GLRA2: variants seen among roughly 807,000 people sequenced by gnomAD.
GLRA2 encodes glycine receptor alpha 2.
A neutral mutation model predicts 31.6 loss-of-function variants in GLRA2; 11 were observed. That is an observed-to-expected ratio of 0.35 (90% confidence interval 0.22 to 0.58). The LOEUF (loss-of-function observed/expected upper bound fraction) is 0.58, where lower values mean the gene tolerates loss of function less well. GLRA2 is among the 20% of genes least tolerant of loss of function. The probability of loss-of-function intolerance (pLI) is 0.84; values close to 1 mark genes in which losing one functional copy is unlikely to be tolerated. For missense variants in GLRA2, 212 were observed against 351.8 expected (o/e 0.60, Z 3.18); for synonymous variants, 132 against 134.0 (o/e 0.99, Z 0.10).
intron 4 of GLRA2, among the ~76,000 whole-genome samples, chrX:14,589,670 C>CAAAA (rs199543625): frequency 2.2e-5 from 2 of 90,388 alleles, no homozygotes; most frequent in Non-Finnish European, 4.2e-5. Context: ...GACTCTATCT[C>CAAAA]AAAAAAATAT....
At chrX:14,706,911 T>A (rs761971690) in intron 8 of GLRA2, among the ~76,000 whole-genome samples, 2 of 112,297 alleles carry the variant, frequency 1.8e-5, no homozygotes, top group Non-Finnish European at 3.8e-5. Flanking sequence ...GTTTATAAGG[T>A]TTGCTGAATG....
chrX:14,562,777 G>A (rs1048611749), intron 2 of GLRA2, among the ~76,000 whole-genome samples: 3 of 110,952 alleles, frequency 2.7e-5, no homozygotes, highest in African/African-American at 3.3e-5. Flanking sequence ...TCAGATTAGG[G>A]GCCAACCCTC....
At chrX:14,630,610 T>C (rs2090633986) in intron 7 of GLRA2, among the ~76,000 whole-genome samples, 1 of 111,713 alleles carries the variant, frequency 9.0e-6, no homozygotes, top group Non-Finnish European at 1.9e-5. Context: ...GACATTGTTA[T>C]ACAGCTTACT....
At chrX:14,554,607 T>C (rs1278819344) in intron 2 of GLRA2, among the ~76,000 whole-genome samples, 1 of 111,280 alleles carries the variant, frequency 9.0e-6, no homozygotes, top group African/African-American at 3.3e-5. Flanking sequence ...CATGAAAAAA[T>C]AATTTTCCAA....
intron 7 of GLRA2, among the ~76,000 whole-genome samples, chrX:14,616,188 C>A (rs186995174): frequency 3.0e-4 from 34 of 111,783 alleles, no homozygotes; most frequent in African/African-American, 1.1e-3. Flanking sequence ...TAAGATTAAA[C>A]GATTATTTTC....
At chrX:14,663,108 T>C (rs1009844252) in intron 7 of GLRA2, among the ~76,000 whole-genome samples, 4 of 111,396 alleles carry the variant, frequency 3.6e-5, no homozygotes, top group Non-Finnish European at 5.7e-5. Flanking sequence ...TGTATACCTT[T>C]AGTTATTTTT....
At chrX:14,493,580 TATATACAC>T in the GLRA2 span, among the ~76,000 whole-genome samples, 1 of 104,047 alleles carries the variant, frequency 9.6e-6, no homozygotes, top group South Asian at 4.0e-4. Flanking sequence ...CATATATACA[TATATACAC>T]ATATATACAT....
intron 8 of GLRA2, among the ~76,000 whole-genome samples, 153 bp downstream of exon 8, chrX:14,691,012 G>C (rs1353834499): frequency 1.8e-5 from 2 of 111,561 alleles, no homozygotes; most frequent in Non-Finnish European, 3.8e-5. Flanking sequence ...CTCAGCTTAG[G>C]CCTTTAAAAT....
chrX:14,726,313 C>T (rs368460135), intron 8 of GLRA2, among the ~76,000 whole-genome samples: 7 of 111,810 alleles, frequency 6.3e-5, no homozygotes, highest in African/African-American at 2.3e-4. Context: ...GAATCAAAAC[C>T]ATCTCCTTTG....
At chrX:14,572,322 T>G (rs2089895450) in intron 2 of GLRA2, among the ~76,000 whole-genome samples, 1 of 112,313 alleles carries the variant, frequency 8.9e-6, no homozygotes, top group Non-Finnish European at 1.9e-5. Flanking sequence ...TCCTGTTTAT[T>G]TTTCCCATCA....
At chrX:14,705,014 A>C (rs1442482137) in intron 8 of GLRA2, among the ~76,000 whole-genome samples, 1 of 112,401 alleles carries the variant, frequency 8.9e-6, no homozygotes, top group Non-Finnish European at 1.9e-5. Flanking sequence ...ATTCTCAAGA[A>C]AGAAGCAGCA....
chrX:14,510,471 G>GC, the GLRA2 span, among the ~76,000 whole-genome samples: 2 of 111,489 alleles, frequency 1.8e-5, no homozygotes, highest in African/African-American at 6.5e-5. Flanking sequence ...GAGGTATAGA[G>GC]CAGGATGAAA....
chrX:14,682,945 T>C (rs2091231203), intron 7 of GLRA2, among the ~76,000 whole-genome samples: 1 of 111,703 alleles, frequency 9.0e-6, no homozygotes, highest in Admixed American at 9.5e-5. Flanking sequence ...TAATCCAGTC[T>C]ATCATTGATG....
At chrX:14,680,755 C>T (rs1234626744) in intron 7 of GLRA2, among the ~76,000 whole-genome samples, 5 of 112,134 alleles carry the variant, frequency 4.5e-5, no homozygotes, top group African/African-American at 1.3e-4. Flanking sequence ...ACTCAGAGAG[C>T]AACCAAAATG....
chrX:14,706,375 T>C (rs181777453), intron 8 of GLRA2, among the ~76,000 whole-genome samples: 57 of 112,474 alleles, frequency 5.1e-4, no homozygotes, highest in African/African-American at 1.7e-3. Flanking sequence ...TGTTGCAATA[T>C]GCACAGTCTA....
At chrX:14,641,760 C>T (rs931137960) in intron 7 of GLRA2, among the ~76,000 whole-genome samples, 2 of 111,843 alleles carry the variant, frequency 1.8e-5, no homozygotes, top group Admixed American at 9.5e-5. Flanking sequence ...CTGGACCACT[C>T]AGACATAAAC....
At chrX:14,493,654 T>C in the GLRA2 span, among the ~76,000 whole-genome samples, 1 of 96,297 alleles carries the variant, frequency 1.0e-5, no homozygotes, top group Non-Finnish European at 2.0e-5. Flanking sequence ...TATATACATA[T>C]GTACACATAT....
intron 2 of GLRA2, among the ~76,000 whole-genome samples, chrX:14,533,589 A>C: frequency 9.0e-6 from 1 of 110,657 alleles, no homozygotes; most frequent in East Asian, 2.8e-4. Context: ...TTTGGAAGTC[A>C]ATATTTGAAA....
intron 7 of GLRA2, among the ~76,000 whole-genome samples, chrX:14,660,505 G>C (rs1163153960): frequency 8.9e-6 from 1 of 112,099 alleles, no homozygotes; most frequent in Non-Finnish European, 1.9e-5. Context: ...TTTGGACAAA[G>C]AAGCTGCATG....
Sources: gnomAD v4.1 joint callset for allele counts (sites outside exome capture counted in the v4.1 genomes callset) on GRCh38, gnomAD v4.1.1 for gene constraint, MANE v1.5 for transcripts, NCBI Gene and HGNC (gene_info 2026-07-23, HGNC 2026-07-21) for gene names.